The following MORC4 variants were observed in gnomAD, a reference collection of about 807,000 sequenced individuals.
The protein encoded by MORC4 is MORC family CW-type zinc finger protein 4.
A neutral mutation model predicts 65.5 loss-of-function variants in MORC4; 22 were observed. That is an observed-to-expected ratio of 0.34 (90% CI 0.24 to 0.48). MORC4 has a LOEUF of 0.48. Among genes scored for constraint, MORC4 ranks in the 20% least tolerant of loss-of-function variants. The pLI is 0.99. For missense variants in MORC4, 624 were observed against 703.0 expected (o/e 0.89, Z 1.27); for synonymous variants, 267 against 255.8 (o/e 1.04, Z -0.42).
intron 10 of MORC4, among the ~76,000 whole-genome samples, chrX:106,961,138 A>T (rs367946413): frequency 1.7e-4 from 19 of 111,535 alleles, no homozygotes; most frequent in South Asian, 3.8e-4. Flanking sequence ...CTAGGAATAT[A>T]AAAAAAAGGG....
chrX:106,959,421 T>C (rs1479689522), intron 10 of MORC4, among the ~76,000 whole-genome samples: 1 of 112,229 alleles, frequency 8.9e-6, no homozygotes, highest in Non-Finnish European at 1.9e-5. Context: ...GATTTATGCA[T>C]GTTATATTTA....
intron 12 of MORC4, 147 bp from the exon 13 acceptor site, chrX:106,956,681 C>T: frequency 1.9e-6 from 1 of 534,935 alleles, no homozygotes; most frequent in Non-Finnish European, 3.1e-6. Context: ...CCTTTCTGAA[C>T]TAGGCTACTG....
At chrX:106,991,817 A>C (rs897339935) in intron 3 of MORC4, among the ~76,000 whole-genome samples, 1 of 111,244 alleles carries the variant, frequency 9.0e-6, no homozygotes, top group African/African-American at 3.3e-5. Flanking sequence ...AGGTACGAGA[A>C]TCATTTGAAA....
intron 14 of MORC4, among the ~76,000 whole-genome samples, chrX:106,945,666 A>T (rs1933809850): frequency 9.0e-6 from 1 of 111,309 alleles, no homozygotes; most frequent in Non-Finnish European, 1.9e-5. Context: ...TTAGGAATCA[A>T]TTCTCATACC....
At chrX:106,947,591 A>ATAATAT (rs1411668743) in intron 14 of MORC4, among the ~76,000 whole-genome samples, 2 of 83,124 alleles carry the variant, frequency 2.4e-5, no homozygotes, top group East Asian at 7.0e-4. Context: ...ATATATATAT[A>ATAATAT]ATATATATAT....
At chrX:106,990,239 T>C (rs1369705640) in intron 3 of MORC4, among the ~76,000 whole-genome samples, 1 of 109,268 alleles carries the variant, frequency 9.2e-6, no homozygotes, top group Non-Finnish European at 1.9e-5. Flanking sequence ...GACTAAAAAA[T>C]CTCTTTTATT....
chrX:106,957,075 A>G (rs1309497497), intron 11 of MORC4, 71 bp from the exon 12 acceptor site: 15 of 644,311 alleles, frequency 2.3e-5, no homozygotes, highest in Non-Finnish European at 3.4e-5. Flanking sequence ...TAATTTCCTT[A>G]TAACTATGCA....
chrX:106,989,990 A>T (rs1934948341), intron 3 of MORC4, among the ~76,000 whole-genome samples: 1 of 107,713 alleles, frequency 9.3e-6, no homozygotes, highest in South Asian at 4.2e-4. Context: ...GATGGAGACC[A>T]TCCTGGCTGC....
intron 9 of MORC4, 37 bp downstream of exon 9, chrX:106,976,547 A>G: frequency 1.1e-6 from 1 of 931,346 alleles, no homozygotes. Flanking sequence ...ATATCTGAAC[A>G]AACTAACGGA....
intron 14 of MORC4, among the ~76,000 whole-genome samples, chrX:106,953,275 C>A (rs1934021377): frequency 9.0e-6 from 1 of 111,402 alleles, no homozygotes; most frequent in Non-Finnish European, 1.9e-5. Flanking sequence ...AAAACCACTA[C>A]AGGGTTATAA....
At chrX:106,996,100 C>T (rs950295432) in intron 2 of MORC4, among the ~76,000 whole-genome samples, 3 of 111,073 alleles carry the variant, frequency 2.7e-5, no homozygotes, top group African/African-American at 9.8e-5. Context: ...GTGCATTCAA[C>T]GAATCAGCTC....
chrX:106,991,101 T>C (rs775243843), intron 3 of MORC4, among the ~76,000 whole-genome samples: 1 of 111,511 alleles, frequency 9.0e-6, no homozygotes, highest in East Asian at 2.8e-4. Context: ...TTCTACCTAT[T>C]TTGCTCCTTG....
At chrX:106,972,705 G>A (rs964962581) in intron 9 of MORC4, among the ~76,000 whole-genome samples, 5 of 111,762 alleles carry the variant, frequency 4.5e-5, no homozygotes, top group African/African-American at 9.8e-5. Flanking sequence ...TTGGGAGACC[G>A]AGGCAGGCAG....
chrX:106,942,833 G>T lies in MORC4; in HGVS notation c.2058C>A (p.Val686=), dbSNP rs773565940. 8.3e-7 allele frequency: 1 copy of T among 1,211,624 alleles called. No homozygotes were observed. Among genetic ancestry groups the T allele is most frequent in the South Asian group, 1.8e-5 (1 of 56,955 alleles). The change falls in exon 15 of 17, where the codon GTC becomes GTA. Residue 686 remains valine (V), a synonymous_variant. Coordinates refer to ENST00000355610, the MANE Select transcript of MORC4 (RefSeq NM_024657.5). Reference sequence around the variant, plus strand: ...CAACAGCTACAAAAGGTCCCTTGTTGACTTCTTCTTTGTTTATGGTTGTGC... The same window carrying T: ...CAACAGCTACAAAAGGTCCCTTGTTTACTTCTTCTTTGTTTATGGTTGTGC... The part of the protein sequence containing the change: ...RGSTTINKEE[V]NKGPFVAVVG...
intron 2 of MORC4, among the ~76,000 whole-genome samples, chrX:106,993,652 T>A (rs2147827868): frequency 8.9e-6 from 1 of 112,090 alleles, no homozygotes; most frequent in Non-Finnish European, 1.9e-5. Flanking sequence ...TAATAACTAC[T>A]CCCATATACA....
intron 9 of MORC4, among the ~76,000 whole-genome samples, chrX:106,973,555 A>C (rs1490308414): frequency 8.9e-6 from 1 of 112,212 alleles, no homozygotes; most frequent in Non-Finnish European, 1.9e-5. Context: ...TGATAGACAT[A>C]ATAATGTTTA....
Position 106,976,576 on chromosome X carries a change from T to C in MORC4, c.1157+8A>G. 8.6e-7 allele frequency: 1 copy of C among 1,163,562 alleles called. No individual in the cohort carries two copies. Among genetic ancestry groups the C allele is most frequent in the South Asian group, 1.8e-5 (1 of 54,995 alleles). ...TAACGGAAGCACCTCAGGTTGGGAG[T>C]GACTCACCGGTACTCCTTGGTATAC... On this transcript the variant is annotated splice_region_variant and intron_variant, in intron 9 of 16. Transcript: ENST00000355610.
chrX:106,976,497 C>T, intron 9 of MORC4, 87 bp downstream of exon 9: 1 of 531,825 alleles, frequency 1.9e-6, no homozygotes. Context: ...TATTTAGCTG[C>T]TTTTTAGAGA....
At chrX:106,987,179 G>A (rs1934888087) in intron 3 of MORC4, among the ~76,000 whole-genome samples, 1 of 110,823 alleles carries the variant, frequency 9.0e-6, no homozygotes, top group African/African-American at 3.3e-5. Flanking sequence ...ACTATAATTA[G>A]CAATAATACA....
Sources: gnomAD v4.1 joint callset for allele counts (sites outside exome capture counted in the v4.1 genomes callset) on GRCh38, gnomAD v4.1.1 for gene constraint, MANE v1.5 for transcripts, NCBI Gene and HGNC (gene_info 2026-07-23, HGNC 2026-07-21) for gene names.